TNIK: variants seen among roughly 807,000 people sequenced by gnomAD.
TNIK encodes the protein TRAF2 and NCK interacting kinase.
A neutral mutation model predicts 191.3 loss-of-function variants in TNIK; 49 were observed. The ratio of observed to expected loss-of-function variants is 0.26; its 90% confidence interval spans 0.20 to 0.32. The LOEUF is 0.32. Among genes scored for constraint, TNIK ranks in the 10% least tolerant of loss-of-function variants. The pLI, the probability that TNIK is intolerant of heterozygous loss-of-function variation, is 1.00. For synonymous variants in TNIK, 594 were observed against 600.9 expected (o/e 0.99, Z 0.17); for missense variants, 1,155 against 1,702.3 (o/e 0.68, Z 5.66).
In TNIK at chr3:171,066,224, G is replaced by T; in HGVS notation, c.3962C>A (p.Ala1321Asp). The T allele has an allele frequency of 6.2e-7, 1 of 1,613,842 alleles. No homozygotes were observed. The highest frequency in any genetic ancestry group is 8.5e-7 in the Non-Finnish European group (1 of 1,179,868). ...TTCACATAGAAACTTTAACCTTTGA[G>T]CTCGCTTATGCATAAATACTCCATC... ...HLDGVFMHKR[A>D]QRLKFLCERN... Residue 1321 changes from alanine (A) to aspartate (D), a missense_variant, in exon 32 of 33, where the codon GCT becomes GAT. Ala to Asp is a moderately radical substitution (Grantham distance 126). Coordinates refer to ENST00000436636, the MANE Select transcript of TNIK (RefSeq NM_015028.4).
chr3:171,204,375 C>T (rs2108882933), intron 4 of TNIK, among the ~76,000 whole-genome samples: 2 of 152,334 alleles, frequency 1.3e-5, no homozygotes, highest in African/African-American at 4.8e-5. Flanking sequence ...TGAAACAGGA[C>T]ATACATTGGC....
chr3:171,135,600 A>T (rs1729881055), intron 15 of TNIK, among the ~76,000 whole-genome samples: 1 of 152,214 alleles, frequency 6.6e-6, no homozygotes, highest in African/African-American at 2.4e-5. Flanking sequence ...AGGACTAAAT[A>T]TGAAATCCCC....
At chr3:171,173,057 A>C (rs1213078269) in intron 9 of TNIK, among the ~76,000 whole-genome samples, 1 of 152,058 alleles carries the variant, frequency 6.6e-6, no homozygotes, top group East Asian at 1.9e-4. Flanking sequence ...GGTAGGTCAC[A>C]AAAAGGGGTG....
chr3:171,126,316 A>G (rs1335982184), intron 16 of TNIK, among the ~76,000 whole-genome samples, 165 bp from the exon 17 acceptor site: 2 of 152,158 alleles, frequency 1.3e-5, no homozygotes, highest in East Asian at 3.8e-4. Context: ...CAGCTCTTCA[A>G]AATTTTCCAT....
intron 2 of TNIK, among the ~76,000 whole-genome samples, chr3:171,364,628 C>T (rs1434766730): frequency 2.0e-5 from 3 of 152,024 alleles, no homozygotes; most frequent in African/African-American, 7.2e-5. Flanking sequence ...ATTTAAATTG[C>T]TAAATACAGA....
At chr3:171,418,314 A>C (rs1723343141) in intron 1 of TNIK, among the ~76,000 whole-genome samples, 1 of 152,148 alleles carries the variant, frequency 6.6e-6, no homozygotes, top group Admixed American at 6.6e-5. Flanking sequence ...AGAGACTAAA[A>C]CGTGGGCCAA....
At chr3:171,171,546 T>C (rs1357211057) in intron 9 of TNIK, among the ~76,000 whole-genome samples, 2 of 152,330 alleles carry the variant, frequency 1.3e-5, no homozygotes, top group Middle Eastern at 6.8e-3. Flanking sequence ...TAAGCAGTTA[T>C]GATTTTTCTA....
At chr3:171,161,812 T>G (rs1734028984) in intron 10 of TNIK, among the ~76,000 whole-genome samples, 1 of 151,872 alleles carries the variant, frequency 6.6e-6, no homozygotes, top group Non-Finnish European at 1.5e-5. Context: ...CCCAGCTACT[T>G]GGGAGGCTGA....
At chr3:171,192,525 T>C (rs981597520) in intron 5 of TNIK, among the ~76,000 whole-genome samples, 2 of 152,126 alleles carry the variant, frequency 1.3e-5, no homozygotes, top group African/African-American at 2.4e-5. Flanking sequence ...TTTCCACACA[T>C]TGAGAATGTG....
chr3:171,453,607 CTG>C (rs1728451867), intron 1 of TNIK, among the ~76,000 whole-genome samples: 1 of 152,118 alleles, frequency 6.6e-6, no homozygotes, highest in African/African-American at 2.4e-5. Context: ...CAGATTGAAA[CTG>C]TGCGTTTGGA....
At chr3:171,376,790 AGATG>A (rs1021326250) in intron 1 of TNIK, among the ~76,000 whole-genome samples, 2 of 145,498 alleles carry the variant, frequency 1.4e-5, no homozygotes, top group Admixed American at 6.8e-5. Context: ...ATAGATAGAT[AGATG>A]AGAGAGATAT....
At chr3:171,321,094 A>G (rs999599813) in intron 2 of TNIK, among the ~76,000 whole-genome samples, 1 of 152,234 alleles carries the variant, frequency 6.6e-6, no homozygotes, top group African/African-American at 2.4e-5. Context: ...AACCTTATAT[A>G]GTAATGAACT....
intron 2 of TNIK, among the ~76,000 whole-genome samples, chr3:171,350,443 TA>T (rs1712963982): frequency 6.6e-6 from 1 of 152,150 alleles, no homozygotes; most frequent in Non-Finnish European, 1.5e-5. Context: ...TTGAAGATAT[TA>T]GATGACTACA....
intron 1 of TNIK, among the ~76,000 whole-genome samples, chr3:171,447,872 T>C (rs1727699634): frequency 6.6e-6 from 1 of 152,176 alleles, no homozygotes; most frequent in Non-Finnish European, 1.5e-5. Flanking sequence ...TTAAATATAT[T>C]ATGATCCATC....
intron 4 of TNIK, among the ~76,000 whole-genome samples, chr3:171,202,803 GA>G (rs1739580362): frequency 6.6e-6 from 1 of 152,176 alleles, no homozygotes; most frequent in African/African-American, 2.4e-5. Flanking sequence ...TGGCAGCTCT[GA>G]AACTGGGAGA....
chr3:171,202,004 C>T (rs557038680), intron 4 of TNIK, among the ~76,000 whole-genome samples: 1 of 152,074 alleles, frequency 6.6e-6, no homozygotes, highest in Non-Finnish European at 1.5e-5. Context: ...TTGAATATAC[C>T]GAGCCAACTA....
chr3:171,410,777 T>C (rs1323432941), intron 1 of TNIK, among the ~76,000 whole-genome samples: 1 of 28,662 alleles, frequency 3.5e-5, no homozygotes, highest in African/African-American at 2.4e-4. Flanking sequence ...AGACTCCATC[T>C]CAAAAAAAAA....
In TNIK at chr3:171,063,803, A is replaced by G; in HGVS notation, c.*78T>C. ...CCAAGCCTTCTGATTCTGCCTCTAG[A>G]CTGGCATAAGTCCACATGAGTTATG... On this transcript the variant is annotated 3_prime_UTR_variant, in exon 33 of 33. Transcript: ENST00000436636. 6.9e-7 allele frequency: 1 copy of G among 1,454,986 alleles called. No homozygotes were observed. The highest frequency in any genetic ancestry group is 1.2e-5 in the South Asian group (1 of 80,700). 90.1% of individuals were successfully genotyped at this position (1,454,986 alleles called of 1,614,324 possible). A position where few individuals can be genotyped will look rare whatever the true frequency, so the allele number is the denominator to read the frequency against.
At chr3:171,288,731 G>A (rs1037226183) in intron 2 of TNIK, among the ~76,000 whole-genome samples, 5 of 150,792 alleles carry the variant, frequency 3.3e-5, no homozygotes, top group South Asian at 2.1e-4. Flanking sequence ...TTACTTGAAC[G>A]TGGGAGGTGG....
Sources: allele counts gnomAD v4.1 joint callset (sites outside exome capture counted in the v4.1 genomes callset), GRCh38; gene constraint gnomAD v4.1.1; transcripts MANE v1.5; gene names NCBI Gene and HGNC (gene_info 2026-07-23, HGNC 2026-07-21).